Variants in HRH1 observed in about 807,000 individuals in gnomAD.
HRH1 encodes histamine receptor H1, also known as histamine H1 receptor.
A neutral mutation model predicts 10.3 loss-of-function variants in HRH1; 6 were observed. The observed-to-expected ratio is 0.58, with a 90% CI of 0.32 to 1.15. The LOEUF (loss-of-function observed/expected upper bound fraction) is 1.15. Ranked by LOEUF, HRH1 falls within the 50% of genes most tolerant of loss-of-function variation. The pLI, the probability that HRH1 is intolerant of heterozygous loss-of-function variation, is 0.05. For missense variants in HRH1, 514 were observed against 615.3 expected (o/e 0.84, Z 1.74); for synonymous variants, 242 against 236.7 (o/e 1.02, Z -0.21).
intron 1 of HRH1, among the ~76,000 whole-genome samples, chr3:11,237,700 GA>G (rs1304997414): frequency 1.0e-5 from 1 of 99,426 alleles, no homozygotes; most frequent in Admixed American, 1.6e-4. Flanking sequence ...TTTTGAGATG[GA>G]GTCTTGCTCT....
At chr3:11,238,280 TGACTAATTTAGAA>T (rs1939240982) in intron 1 of HRH1, among the ~76,000 whole-genome samples, 1 of 152,236 alleles carries the variant, frequency 6.6e-6, no homozygotes, top group African/African-American at 2.4e-5. Flanking sequence ...CCACTTCTGA[TGACTAATTTAGAA>T]GTTACGCATA....
chr3:11,186,617 C>T (rs1007625342), intron 1 of HRH1, among the ~76,000 whole-genome samples: 1 of 152,158 alleles, frequency 6.6e-6, no homozygotes, highest in Admixed American at 6.5e-5. Flanking sequence ...CCTTGGAGGT[C>T]GGGATCTGAG....
chr3:11,262,088 G>GT lies in HRH1; in HGVS notation c.*1588dup, dbSNP rs1419431200. 1.2e-5 allele frequency: 2 copies of GT among 167,064 alleles called. No individual in the cohort carries two copies. Among genetic ancestry groups the GT allele is most frequent in the African/African-American group, 4.8e-5 (2 of 41,444 alleles). The allele number at this position is 167,064 out of a possible 1,614,324, so 10.3% of individuals were successfully genotyped here. A position where few individuals can be genotyped will look rare whatever the true frequency, so the allele number is the denominator to read the frequency against. Reference sequence around the variant, plus strand: ...AGCCATACCTGGTAAGCAAAAACTAGTAAAGACATAGGAACATGTAGTTTT... The same window carrying GT: ...AGCCATACCTGGTAAGCAAAAACTAGTTAAAGACATAGGAACATGTAGTTTT... On this transcript the variant is annotated 3_prime_UTR_variant, in exon 2 of 2. Transcript: ENST00000431010.
At chr3:11,194,098 A>T (rs1027227814) in intron 1 of HRH1, among the ~76,000 whole-genome samples, 2 of 152,186 alleles carry the variant, frequency 1.3e-5, no homozygotes, top group Non-Finnish European at 2.9e-5. Context: ...TAGTATAAGC[A>T]TGTGCGTAGG....
chr3:11,243,220 C>T (rs1939396140), intron 1 of HRH1, among the ~76,000 whole-genome samples: 1 of 152,102 alleles, frequency 6.6e-6, no homozygotes, highest in African/African-American at 2.4e-5. Flanking sequence ...GACCCTGGGT[C>T]TTGTTTTTTC....
intron 1 of HRH1, among the ~76,000 whole-genome samples, chr3:11,235,480 A>G (rs1363541486): frequency 6.6e-6 from 1 of 151,930 alleles, no homozygotes; most frequent in Non-Finnish European, 1.5e-5. Context: ...TGGCTTCCTC[A>G]CTGTTGCTGA....
chr3:11,189,739 C>T (rs1355733583), intron 1 of HRH1, among the ~76,000 whole-genome samples: 1 of 151,456 alleles, frequency 6.6e-6, no homozygotes, highest in Non-Finnish European at 1.5e-5. Context: ...GCCTGGCCAA[C>T]ATAGCGAAAC....
At chr3:11,198,239 G>A (rs1937750007) in intron 1 of HRH1, among the ~76,000 whole-genome samples, 2 of 152,034 alleles carry the variant, frequency 1.3e-5, no homozygotes, top group African/African-American at 2.4e-5. Flanking sequence ...TCAGGCCCAC[G>A]GTGCCTGCTC....
At chr3:11,239,026 T>A (rs1939263002) in intron 1 of HRH1, among the ~76,000 whole-genome samples, 1 of 152,254 alleles carries the variant, frequency 6.6e-6, no homozygotes, top group Non-Finnish European at 1.5e-5. Flanking sequence ...TGGGTATATA[T>A]CTAGGTGTGG....
At chr3:11,204,050 C>T (rs1938028887) in intron 1 of HRH1, among the ~76,000 whole-genome samples, 1 of 152,194 alleles carries the variant, frequency 6.6e-6, no homozygotes, top group East Asian at 1.9e-4. Context: ...GAATAGGTAT[C>T]TCATTCGTCA....
intron 1 of HRH1, among the ~76,000 whole-genome samples, chr3:11,165,778 G>C (rs1179455459): frequency 6.6e-6 from 1 of 152,168 alleles, no homozygotes; most frequent in Non-Finnish European, 1.5e-5. Flanking sequence ...ACAGAGCTGT[G>C]TGTCTATCTG....
intron 1 of HRH1, among the ~76,000 whole-genome samples, chr3:11,147,706 C>T (rs1287942215): frequency 6.6e-6 from 1 of 152,208 alleles, no homozygotes; most frequent in African/African-American, 2.4e-5. Flanking sequence ...ATCCTCACTA[C>T]ACCCAGATGA....
chr3:11,251,109 A>G (rs1047830377), intron 1 of HRH1, among the ~76,000 whole-genome samples: 3 of 152,134 alleles, frequency 2.0e-5, no homozygotes, highest in Admixed American at 1.3e-4. Context: ...GGGAGAAAAC[A>G]GGGACTGTAG....
At chr3:11,156,902 G>C (rs554623304) in intron 1 of HRH1, among the ~76,000 whole-genome samples, 2 of 152,212 alleles carry the variant, frequency 1.3e-5, no homozygotes, top group Non-Finnish European at 2.9e-5. Flanking sequence ...TAGATGTAAT[G>C]TGTGCCCCAA....
At chr3:11,144,404 G>C (rs1317069535) in intron 1 of HRH1, among the ~76,000 whole-genome samples, 11 of 150,290 alleles carry the variant, frequency 7.3e-5, no homozygotes, top group Non-Finnish European at 1.2e-4. Flanking sequence ...TATACATATA[G>C]ACATACATCT....
intron 1 of HRH1, among the ~76,000 whole-genome samples, chr3:11,172,702 A>ATTTTTTTTT (rs777309053): frequency 3.3e-5 from 4 of 121,408 alleles, no homozygotes; most frequent in African/African-American, 1.7e-4. Flanking sequence ...CTTTTGGCGA[A>ATTTTTTTTT]TCTTTTTTTT....
intron 1 of HRH1, among the ~76,000 whole-genome samples, chr3:11,166,978 T>C (rs1322465058): frequency 6.7e-6 from 1 of 150,178 alleles, no homozygotes; most frequent in Non-Finnish European, 1.5e-5. Context: ...CCCCCTGGCT[T>C]CTCCAGGCGC....
At chr3:11,238,202 A>G (rs919361695) in intron 1 of HRH1, among the ~76,000 whole-genome samples, 5 of 152,206 alleles carry the variant, frequency 3.3e-5, no homozygotes, top group African/African-American at 1.2e-4. Flanking sequence ...AAACCAAATT[A>G]TAAAATGAGA....
intron 1 of HRH1, among the ~76,000 whole-genome samples, chr3:11,217,058 C>T (rs747294074): frequency 4.6e-5 from 7 of 150,958 alleles, no homozygotes; most frequent in East Asian, 2.0e-4. Context: ...TGGTGAGGTA[C>T]GCCTGTAGTC....
Sources: gnomAD v4.1 joint callset for allele counts (sites outside exome capture counted in the v4.1 genomes callset) on GRCh38, gnomAD v4.1.1 for gene constraint, MANE v1.5 for transcripts, NCBI Gene and HGNC (gene_info 2026-07-23, HGNC 2026-07-21) for gene names.